The following FAT3 variants were observed in gnomAD, a reference collection of about 807,000 sequenced individuals.
The protein encoded by FAT3 is protocadherin Fat 3.
Under a neutral mutation model 310.2 loss-of-function variants are expected in FAT3, and 95 were observed. That is an observed-to-expected ratio of 0.31 (90% CI 0.26 to 0.36). The LOEUF (loss-of-function observed/expected upper bound fraction) is 0.36. Ranked by LOEUF, FAT3 falls within the 10% of genes least tolerant of loss-of-function variation. The pLI, the probability that FAT3 is intolerant of heterozygous loss-of-function variation, is 1.00. For synonymous variants in FAT3, 2,314 were observed against 2,192.9 expected (o/e 1.06, Z -1.54); for missense variants, 5,408 against 5,715.6 (o/e 0.95, Z 1.74).
At chr11:92,611,548 C>T (rs1299184898) in intron 3 of FAT3, among the ~76,000 whole-genome samples, 1 of 152,256 alleles carries the variant, frequency 6.6e-6, no homozygotes, top group East Asian at 1.9e-4. Flanking sequence ...GGTGGAACTA[C>T]GGGCCCAGCT....
At chr11:92,867,327 C>A in intron 22 of FAT3, 118 bp downstream of exon 22, 2 of 1,056,680 alleles carry the variant, frequency 1.9e-6, no homozygotes, top group Non-Finnish European at 2.7e-6. Context: ...TATTCACACC[C>A]AAGATGCTCG....
chr11:92,431,287 C>T (rs1258160513), intron 2 of FAT3, among the ~76,000 whole-genome samples: 1 of 152,058 alleles, frequency 6.6e-6, no homozygotes, highest in Non-Finnish European at 1.5e-5. Context: ...TTTCATGTGT[C>T]TTTTGGCTGC....
chr11:92,355,169 C>T lies in FAT3; in HGVS notation c.3057C>T (p.Val1019=), dbSNP rs755729530. The T allele has an allele frequency of 1.2e-6, 2 of 1,613,836 alleles. No homozygotes were observed. The highest frequency in any genetic ancestry group is 1.1e-5 in the South Asian group (1 of 91,084). Residue 1019 remains valine, a synonymous_variant, in exon 2 of 28, where the codon GTC becomes GTT. Coordinates refer to ENST00000525166, the MANE Select transcript of FAT3 (RefSeq NM_001367949.2). ...TVRAKDKGRP[V]SLSSVSFVEV... ...GGGCCAAAGACAAAGGGCGGCCTGT[C>T]TCTCTGTCATCTGTTTCCTTTGTTG...
intron 3 of FAT3, among the ~76,000 whole-genome samples, chr11:92,578,321 G>T (rs187180628): frequency 6.6e-6 from 1 of 152,096 alleles, no homozygotes; most frequent in East Asian, 1.9e-4. Context: ...AAAAATTCAG[G>T]GTCTTGAGGG....
At chr11:92,264,679 G>C (rs186885230) in intron 1 of FAT3, among the ~76,000 whole-genome samples, 1 of 152,018 alleles carries the variant, frequency 6.6e-6, no homozygotes, top group Non-Finnish European at 1.5e-5. Flanking sequence ...TTCTGACTTC[G>C]TGAGAGAAGT....
intron 1 of FAT3, among the ~76,000 whole-genome samples, chr11:92,277,927 C>G (rs1419063114): frequency 6.6e-6 from 1 of 150,554 alleles, no homozygotes; most frequent in Non-Finnish European, 1.5e-5. Context: ...CTAAAAACAA[C>G]AAAAAAATTA....
intron 1 of FAT3, among the ~76,000 whole-genome samples, chr11:92,277,019 A>G (rs1946291998): frequency 6.6e-6 from 1 of 151,992 alleles, no homozygotes. Context: ...CTTATTTTTT[A>G]GTGGGCCCAC....
intron 3 of FAT3, among the ~76,000 whole-genome samples, chr11:92,566,695 G>T (rs990720609): frequency 2.0e-5 from 3 of 150,572 alleles, no homozygotes; most frequent in Non-Finnish European, 4.4e-5. Flanking sequence ...CAGAGATACT[G>T]ATCAATGGAA....
chr11:92,870,940 C>T (rs1356284627), intron 22 of FAT3, among the ~76,000 whole-genome samples: 2 of 152,162 alleles, frequency 1.3e-5, no homozygotes, highest in Non-Finnish European at 2.9e-5. Flanking sequence ...CACCTACCCA[C>T]CCTCATTTTA....
intron 2 of FAT3, among the ~76,000 whole-genome samples, chr11:92,364,810 C>T (rs1434007113): frequency 2.6e-5 from 4 of 152,096 alleles, no homozygotes; most frequent in Non-Finnish European, 4.4e-5. Context: ...TCCTCTGGGC[C>T]ACTCTTTGTG....
At chr11:92,326,050 A>C (rs1947754633) in intron 1 of FAT3, among the ~76,000 whole-genome samples, 1 of 152,238 alleles carries the variant, frequency 6.6e-6, no homozygotes, top group South Asian at 2.1e-4. Flanking sequence ...ACACACAGTA[A>C]TTCTTGGGTA....
At chr11:92,365,389 A>G (rs1184312875) in intron 2 of FAT3, among the ~76,000 whole-genome samples, 1 of 152,228 alleles carries the variant, frequency 6.6e-6, no homozygotes, top group Non-Finnish European at 1.5e-5. Context: ...TGTGTAAAAC[A>G]GAGTTTAAAT....
chr11:92,878,742 G>A (rs1038391803), intron 22 of FAT3, among the ~76,000 whole-genome samples: 30 of 145,262 alleles, frequency 2.1e-4, no homozygotes, highest in African/African-American at 7.3e-4. Flanking sequence ...ATAAGAAACT[G>A]TCATAAAAAG....
intron 2 of FAT3, among the ~76,000 whole-genome samples, chr11:92,501,968 C>A (rs113981640): frequency 6.6e-6 from 1 of 151,450 alleles, no homozygotes; most frequent in African/African-American, 2.4e-5. Flanking sequence ...CAAAAATGCA[C>A]GCGCGCGTGT....
At chr11:92,306,884 G>A (rs966400730) in intron 1 of FAT3, among the ~76,000 whole-genome samples, 2 of 147,996 alleles carry the variant, frequency 1.4e-5, no homozygotes, top group African/African-American at 5.0e-5. Flanking sequence ...TCAGATTCCT[G>A]GGCTTAAGTG....
chr11:92,264,886 A>C (rs1337480791), intron 1 of FAT3, among the ~76,000 whole-genome samples: 1 of 152,018 alleles, frequency 6.6e-6, no homozygotes, highest in African/African-American at 2.4e-5. Flanking sequence ...TATTTATTTC[A>C]CCTTGGATTT....
intron 19 of FAT3, among the ~76,000 whole-genome samples, chr11:92,853,507 A>G (rs1948887449): frequency 6.6e-6 from 1 of 152,270 alleles, no homozygotes; most frequent in African/African-American, 2.4e-5. Context: ...TGTTTGTGTT[A>G]CAGCTCTTTC....
intron 4 of FAT3, among the ~76,000 whole-genome samples, chr11:92,708,752 A>G (rs1944435674): frequency 6.6e-6 from 1 of 152,258 alleles, no homozygotes; most frequent in African/African-American, 2.4e-5. Context: ...TTCCTGGCAC[A>G]TGGTATGCAC....
chr11:92,831,523 C>T, intron 13 of FAT3, 99 bp from the exon 14 acceptor site: 8 of 977,372 alleles, frequency 8.2e-6, no homozygotes, highest in South Asian at 1.9e-5. Flanking sequence ...AACTATTTTT[C>T]TTGTTGTGGC....
Sources: gnomAD v4.1 joint callset for allele counts (sites outside exome capture counted in the v4.1 genomes callset) on GRCh38, gnomAD v4.1.1 for gene constraint, MANE v1.5 for transcripts, NCBI Gene and HGNC (gene_info 2026-07-23, HGNC 2026-07-21) for gene names.